Variants in BLTP2 observed in about 807,000 individuals in gnomAD.
BLTP2 encodes the protein bridge-like lipid transfer protein family member 2.
the BLTP2 span, chr17:28,620,760 GA>G: frequency 2.8e-6 from 3 of 1,081,854 alleles, no homozygotes; most frequent in East Asian, 7.2e-5. Context: ...CTCATGGGCA[GA>G]AACATGTTTA....
the BLTP2 span, chr17:28,624,475 C>T: frequency 8.2e-7 from 1 of 1,226,582 alleles, no homozygotes; most frequent in African/African-American, 1.5e-5. Flanking sequence ...GATCTTCCCT[C>T]AATTTATCTG....
chr17:28,628,153 C>G, the BLTP2 span: 3 of 911,010 alleles, frequency 3.3e-6, no homozygotes, highest in Non-Finnish European at 5.1e-6. Flanking sequence ...ATAATAGTTT[C>G]ACTTCTTTAC....
the BLTP2 span, chr17:28,616,088 G>A: frequency 6.2e-7 from 1 of 1,606,528 alleles, no homozygotes; most frequent in Admixed American, 1.7e-5. The surrounding 1 kb of genome is among the most constrained non-coding windows in gnomAD (Gnocchi z 4.8). Flanking sequence ...TGCTTGAGAG[G>A]TGCAGACCTT....
chr17:28,618,770 G>A, the BLTP2 span: 2 of 1,594,812 alleles, frequency 1.3e-6, no homozygotes, highest in Non-Finnish European at 1.7e-6. Flanking sequence ...CTGCCTTTGT[G>A]TGACCATATA....
At chr17:28,639,148 G>A in the BLTP2 span, 1 of 684,434 alleles carries the variant, frequency 1.5e-6, no homozygotes, top group Non-Finnish European at 2.6e-6. Context: ...CTGCTATCAA[G>A]GAGTCTAGTC....
the BLTP2 span, chr17:28,620,946 T>C: frequency 3.8e-6 from 6 of 1,559,312 alleles, no homozygotes; most frequent in Non-Finnish European, 5.3e-6. Flanking sequence ...ACTTTCACAA[T>C]TTCTCTAGTC....
the BLTP2 span, chr17:28,623,644 A>G: frequency 2.4e-6 from 2 of 838,748 alleles, no homozygotes; most frequent in Non-Finnish European, 3.9e-6. Flanking sequence ...AGGTGTTATT[A>G]GCCTCATTAT....
At chr17:28,642,482 T>G in the BLTP2 span, 1 of 667,334 alleles carries the variant, frequency 1.5e-6, no homozygotes, top group South Asian at 1.7e-5. Flanking sequence ...AAACCTCATC[T>G]CTACTAAAAA....
the BLTP2 span, chr17:28,634,600 G>C: frequency 1.9e-6 from 3 of 1,614,068 alleles, no homozygotes; most frequent in Admixed American, 5.0e-5. Context: ...AGGGCTGCCT[G>C]GATCAAGCTC....
chr17:28,626,291 C>T, the BLTP2 span, among the ~76,000 whole-genome samples: 3 of 152,212 alleles, frequency 2.0e-5, no homozygotes, highest in Admixed American at 6.5e-5. Flanking sequence ...TGATCTACCC[C>T]AGCTTTCCTT....
At chr17:28,635,270 G>A in the BLTP2 span, 14 of 1,614,226 alleles carry the variant, frequency 8.7e-6, no homozygotes, top group Admixed American at 2.2e-4. Context: ...CCAGCAGCCA[G>A]CTCTGGACAG....
the BLTP2 span, among the ~76,000 whole-genome samples, chr17:28,632,435 T>A: frequency 6.6e-6 from 1 of 152,200 alleles, no homozygotes; most frequent in Non-Finnish European, 1.5e-5. Context: ...ATGGTCTAAA[T>A]GTTTGCATCT....
chr17:28,627,659 A>G, the BLTP2 span, among the ~76,000 whole-genome samples: 3 of 152,062 alleles, frequency 2.0e-5, no homozygotes. Context: ...TCAGCCTCCC[A>G]AAGTACTGGG....
At chr17:28,634,787 GCTC>G in the BLTP2 span, 1 of 1,613,982 alleles carries the variant, frequency 6.2e-7, no homozygotes, top group Non-Finnish European at 8.5e-7. Flanking sequence ...GAGGCATAGA[GCTC>G]CTCAATTTTG....
At chr17:28,640,954 C>T in the BLTP2 span, among the ~76,000 whole-genome samples, 1 of 152,252 alleles carries the variant, frequency 6.6e-6, no homozygotes, top group African/African-American at 2.4e-5. Context: ...ATCATTTTTA[C>T]TACTGACTGC....
At chr17:28,634,754 T>G in the BLTP2 span, 2 of 1,614,022 alleles carry the variant, frequency 1.2e-6, no homozygotes, top group Non-Finnish European at 1.7e-6. Flanking sequence ...TGGATGTAGA[T>G]TTCAATGTTT....
At chr17:28,628,660 T>C in the BLTP2 span, 1 of 972,720 alleles carries the variant, frequency 1.0e-6, no homozygotes, top group Non-Finnish European at 1.5e-6. Flanking sequence ...GTTGGCCAGA[T>C]GCCATGGCTC....
the BLTP2 span, chr17:28,637,184 A>G: frequency 6.2e-7 from 1 of 1,612,270 alleles, no homozygotes; most frequent in East Asian, 2.2e-5. Context: ...ACAACCAGAA[A>G]CCATGTCAGC....
At chr17:28,628,668 C>T in the BLTP2 span, 3 of 887,700 alleles carry the variant, frequency 3.4e-6, no homozygotes, top group Admixed American at 5.0e-5. Flanking sequence ...GATGCCATGG[C>T]TCATGCCCGT....
Sources: allele counts gnomAD v4.1 joint callset (sites outside exome capture counted in the v4.1 genomes callset), GRCh38; gene constraint gnomAD v4.1.1; non-coding constraint Gnocchi (gnomAD v3.1); transcripts MANE v1.5; gene names NCBI Gene and HGNC (gene_info 2026-07-23, HGNC 2026-07-21).